Variants in RAB11FIP5 observed in about 807,000 individuals in gnomAD.
RAB11FIP5 encodes rab11 family-interacting protein 5.
RAB11FIP5 carries 48 observed loss-of-function variants against 85.1 expected under a neutral mutation model. The ratio of observed to expected loss-of-function variants is 0.56; its 90% CI spans 0.45 to 0.72. The LOEUF (loss-of-function observed/expected upper bound fraction) is 0.72. Ranked by LOEUF, RAB11FIP5 falls within the 30% of genes least tolerant of loss-of-function variation. The pLI, the probability that RAB11FIP5 is intolerant of heterozygous loss-of-function variation, is 0.00. For missense variants in RAB11FIP5, 1,491 were observed against 1,687.0 expected (o/e 0.88, Z 2.04); for synonymous variants, 729 against 727.3 (o/e 1.00, Z -0.04).
Position 73,112,896 on chromosome 2 carries a change from G to T in RAB11FIP5, c.-119C>A. 1.0e-6 allele frequency: 1 copy of T among 974,424 alleles called. No homozygotes were observed. The highest frequency in any genetic ancestry group is 1.3e-6 in the Non-Finnish European group (1 of 751,810). 60.4% of individuals were successfully genotyped at this position (974,424 alleles called of 1,614,324 possible). On this transcript the variant is annotated 5_prime_UTR_variant, in exon 1 of 6. Transcript: ENST00000486777. ...ACTCTGAGCGCCGCCGCAGCTGCGG[G>T]CTGGGCTGGGCCGGGCCGACCGGCC...
At chr2:73,076,958 G>A (rs909915846) in intron 4 of RAB11FIP5, among the ~76,000 whole-genome samples, 1 of 152,176 alleles carries the variant, frequency 6.6e-6, no homozygotes, top group Non-Finnish European at 1.5e-5. Context: ...GCCGACACTT[G>A]AAGCACTCCT....
At chr2:73,092,274 C>T (rs1684230399) in intron 1 of RAB11FIP5, among the ~76,000 whole-genome samples, 1 of 152,204 alleles carries the variant, frequency 6.6e-6, no homozygotes, top group African/African-American at 2.4e-5. Context: ...GATCAGCAAG[C>T]ACAGCCAGCC....
In RAB11FIP5 at chr2:73,112,541, C is replaced by T; in HGVS notation, c.237G>A (p.Pro79=). 3.2e-6 allele frequency: 5 copies of T among 1,538,652 alleles called. No homozygotes were observed. The highest frequency in any genetic ancestry group is 1.2e-5 in the South Asian group (1 of 82,282). Residue 79 remains proline, a synonymous_variant, in exon 1 of 6, where the codon CCG becomes CCA. Coordinates refer to ENST00000486777, the MANE Select transcript of RAB11FIP5 (RefSeq NM_001371272.1). ...CCCGCAGCAGGCCATCCAGGGCCCC[C>T]GGCGGCAGCTCGAAGGAGCACTCCT... is the stretch of plus-strand genomic sequence containing the variant. ...WREECSFELP[P]GALDGLLRAQ... is the part of the protein sequence containing the mutation.
chr2:73,099,002 G>T (rs969568471), intron 1 of RAB11FIP5, among the ~76,000 whole-genome samples: 4 of 149,504 alleles, frequency 2.7e-5, no homozygotes, highest in Non-Finnish European at 5.9e-5. Context: ...CAGTAATAAA[G>T]CACTTATGTT....
chr2:73,091,583 G>A (rs1387263542), intron 1 of RAB11FIP5, among the ~76,000 whole-genome samples: 1 of 152,232 alleles, frequency 6.6e-6, no homozygotes, highest in Non-Finnish European at 1.5e-5. Context: ...AGAGTGGGGT[G>A]TGGGGAGCCT....
intron 1 of RAB11FIP5, among the ~76,000 whole-genome samples, chr2:73,105,077 A>G (rs1462990950): frequency 6.6e-6 from 1 of 152,138 alleles, no homozygotes; most frequent in African/African-American, 2.4e-5. Context: ...GATGGCTTGG[A>G]GTGTTCTGTC....
At position 73,080,092 on chromosome 2, in the gene RAB11FIP5, G is replaced by A; in HGVS notation, c.3140C>T (p.Ser1047Leu). Residue 1047 changes from serine (S) to leucine (L), a missense_variant, in exon 4 of 6, where the codon TCA becomes TTA. Physicochemically the swap from Ser to Leu is moderately radical, Grantham distance 145. This residue lies in a region of RAB11FIP5 where 48 missense variants were observed against 89.9 expected (regional missense o/e 0.53). Transcript: ENST00000486777. ...CACATCAGCCTGCTGGGAGGTGGCT[G>A]ACAAGGACCCAAGCCCCTCTCCTAC... The part of the protein sequence containing the change: ...DPVGEGLGSL[S>L]ATSQQADVWV... The A allele has an allele frequency of 8.1e-7, 1 of 1,232,238 alleles. No homozygotes were observed. The allele number at this position is 1,232,238 out of a possible 1,614,324, so 76.3% of individuals were successfully genotyped here.
Position 73,089,292 on chromosome 2 carries a change from G to A in RAB11FIP5, c.455C>T (p.Pro152Leu). 1 of 1,613,938 alleles carries A rather than the reference G, an allele frequency of 6.2e-7. No homozygotes were observed. Among genetic ancestry groups the A allele is most frequent in the Non-Finnish European group, 8.5e-7 (1 of 1,179,996 alleles). ...GCCGCGTTCCTTCTCCTTCTTGCCT[G>A]GCTTGGAGTGCAGCTTGTACCACCT... Reference protein sequence around the residue: ...HTQWYKLHSKPGKKEKERGEI... With the variant: ...HTQWYKLHSKLGKKEKERGEI... The change falls in exon 2 of 6, where the codon CCA (proline) becomes CTA (leucine). Residue 152 changes from proline to leucine, a missense_variant. Around this residue, in one of 3 missense-constraint regions of RAB11FIP5, gnomAD observed 1,211 missense variants for 1,338.0 expected, o/e 0.91. Coordinates refer to ENST00000486777, the MANE Select transcript of RAB11FIP5 (RefSeq NM_001371272.1). This position sits in a 1 kb window ranked among gnomAD's most constrained non-coding sequence, Gnocchi z 4.6.
chr2:73,083,826 G>A (rs540898455), intron 3 of RAB11FIP5, among the ~76,000 whole-genome samples: 4 of 152,290 alleles, frequency 2.6e-5, no homozygotes, highest in East Asian at 1.9e-4. Flanking sequence ...TACAGGACCC[G>A]GGCCCCCAGG....
At chr2:73,082,800 G>A (rs1432628712) in intron 3 of RAB11FIP5, among the ~76,000 whole-genome samples, 1 of 152,232 alleles carries the variant, frequency 6.6e-6, no homozygotes, top group Non-Finnish European at 1.5e-5. Context: ...TATCCACAGA[G>A]TGAGGCCGAC....
In RAB11FIP5 at chr2:73,088,969, A is replaced by T; in HGVS notation, c.778T>A (p.Ser260Thr). 1 of 1,613,946 alleles carries T rather than the reference A, an allele frequency of 6.2e-7. No individual in the cohort carries two copies. Among genetic ancestry groups the T allele is most frequent in the African/African-American group, 1.3e-5 (1 of 75,066 alleles). The change falls in exon 2 of 6, where the codon TCA becomes ACA. Residue 260 changes from serine (S) to threonine (T), a missense_variant. Physicochemically the swap from Ser to Thr is moderately conservative, Grantham distance 58. Around this residue, in one of 3 missense-constraint regions of RAB11FIP5, gnomAD observed 1,211 missense variants for 1,338.0 expected, o/e 0.91. Coordinates refer to ENST00000486777, the MANE Select transcript of RAB11FIP5 (RefSeq NM_001371272.1). Reference protein sequence around the residue: ...TSLGSDSTLSSASGSLAYQGP... With the variant: ...TSLGSDSTLSTASGSLAYQGP... ...TGGTAGGCCAAGCTCCCGCTGGCTG[A>T]GGACAGGGTGCTGTCCGAGCCCAGC...
At position 73,088,903 on chromosome 2, in the gene RAB11FIP5, T is replaced by G; in HGVS notation, c.844A>C (p.Ser282Arg). The stretch of plus-strand genomic sequence containing the variant: ...CCCCCTTCAGTGGACAGCCAGCTGC[T>G]ACGGCTTGGTGAGCGGGTGAGGAGT... Reference protein sequence around the residue: ...AELLTRSPSRSSWLSTEGGRD... With the variant: ...AELLTRSPSRRSWLSTEGGRD... The change falls in exon 2 of 6, where the codon AGC (serine) becomes CGC (arginine). Residue 282 changes from serine to arginine, a missense_variant. Transcript: ENST00000486777. 6.3e-7 allele frequency: 1 copy of G among 1,585,238 alleles called. No homozygotes were observed. The highest frequency in any genetic ancestry group is 8.6e-7 in the Non-Finnish European group (1 of 1,165,444).
At chr2:73,096,647 A>ACT (rs1240957748) in intron 1 of RAB11FIP5, among the ~76,000 whole-genome samples, 2 of 151,356 alleles carry the variant, frequency 1.3e-5, no homozygotes, top group African/African-American at 4.9e-5. Context: ...TCCAGAACTC[A>ACT]CTCTCTCACC....
At chr2:73,099,051 C>CTTT (rs1036385402) in intron 1 of RAB11FIP5, among the ~76,000 whole-genome samples, 2 of 105,854 alleles carry the variant, frequency 1.9e-5, no homozygotes, top group African/African-American at 3.1e-5. Flanking sequence ...TTTCTTTTTT[C>CTTT]TTTTTTTTTT....
chr2:73,096,135 C>A lies in RAB11FIP5; in HGVS notation c.432-6820G>T, dbSNP rs547727322. Among the ~76,000 whole-genome samples, 536 of 152,326 alleles carry A rather than the reference C, an allele frequency of 3.5e-3. 5 individuals carry two copies. The highest frequency in any genetic ancestry group is 0.012 in the African/African-American group (512 of 41,574). On this transcript the variant is annotated intron_variant, in intron 1 of 5. Transcript: ENST00000486777. ...TTGGGTCTCGGCCCTCAGCCTCCCC[C>A]CACCCACCACCAAAGCAGAGGACAA...
chr2:73,091,612 T>C (rs1288649718), intron 1 of RAB11FIP5, among the ~76,000 whole-genome samples: 1 of 152,158 alleles, frequency 6.6e-6, no homozygotes, highest in Non-Finnish European at 1.5e-5. Flanking sequence ...AAAGTCCCTA[T>C]ACATCCAAAG....
At chr2:73,099,201 C>A (rs1358303914) in intron 1 of RAB11FIP5, among the ~76,000 whole-genome samples, 1 of 151,952 alleles carries the variant, frequency 6.6e-6, no homozygotes, top group African/African-American at 2.4e-5. Context: ...AGGCCCCTGC[C>A]GCCATGCCCA....
chr2:73,110,218 TGAG>T (rs967675891), intron 1 of RAB11FIP5, among the ~76,000 whole-genome samples: 1 of 152,228 alleles, frequency 6.6e-6, no homozygotes, highest in Admixed American at 6.5e-5. Context: ...TATCCAAAGC[TGAG>T]GAGGGTACAC....
intron 1 of RAB11FIP5, among the ~76,000 whole-genome samples, chr2:73,102,685 C>G (rs974264633): frequency 6.6e-6 from 1 of 152,104 alleles, no homozygotes; most frequent in African/African-American, 2.4e-5. Context: ...AGAAGGGACC[C>G]GAGATGCAGA....
Sources: gnomAD v4.1 joint callset for allele counts (sites outside exome capture counted in the v4.1 genomes callset) on GRCh38, gnomAD v4.1.1 for gene constraint, gnomAD v4.1.1 regional missense constraint, Gnocchi (gnomAD v3.1) non-coding constraint, MANE v1.5 for transcripts, NCBI Gene and HGNC (gene_info 2026-07-23, HGNC 2026-07-21) for gene names.